The following ZNF730 variants were observed in gnomAD, a reference collection of about 807,000 sequenced individuals.
ZNF730 encodes the protein putative zinc finger protein 730.
Under a neutral mutation model 12.6 loss-of-function variants are expected in ZNF730, and 12 were observed. The observed-to-expected ratio is 0.95, with a 90% CI of 0.61 to 1.54. ZNF730 has a LOEUF of 1.54. ZNF730 is among the 40% of genes most tolerant of loss of function. ZNF730 has a pLI of 0.00. For missense variants in ZNF730, 643 were observed against 583.5 expected (o/e 1.10, Z -1.05); for synonymous variants, 194 against 195.8 (o/e 0.99, Z 0.08).
At chr19:23,108,813 G>A (rs754388432) in intron 1 of ZNF730, among the ~76,000 whole-genome samples, 4 of 151,766 alleles carry the variant, frequency 2.6e-5, no homozygotes, top group Non-Finnish European at 5.9e-5. Context: ...ACGGTGGTGC[G>A]ATCTTGGCTC....
chr19:23,111,460 T>C (rs1568308808), intron 1 of ZNF730, among the ~76,000 whole-genome samples: 1 of 152,032 alleles, frequency 6.6e-6, no homozygotes, highest in Admixed American at 6.6e-5. Context: ...TTAAACAAGA[T>C]ATTAGGCTGG....
At chr19:23,092,265 A>G (rs904984403) in intron 1 of ZNF730, among the ~76,000 whole-genome samples, 1 of 152,104 alleles carries the variant, frequency 6.6e-6, no homozygotes, top group Non-Finnish European at 1.5e-5. Flanking sequence ...AGTCTCAGGT[A>G]TGTCTTTATC....
At chr19:23,083,614 T>C (rs1041727405) in intron 1 of ZNF730, among the ~76,000 whole-genome samples, 1 of 151,986 alleles carries the variant, frequency 6.6e-6, no homozygotes, top group African/African-American at 2.4e-5. Flanking sequence ...TTTTTAAGTA[T>C]AGCCATTCTA....
At chr19:23,083,263 A>C (rs1416022138) in intron 1 of ZNF730, among the ~76,000 whole-genome samples, 1 of 151,990 alleles carries the variant, frequency 6.6e-6, no homozygotes, top group Non-Finnish European at 1.5e-5. Flanking sequence ...GCCTCTACTG[A>C]AAATACAAAA....
chr19:23,089,601 TTGC>T (rs1441104137), intron 1 of ZNF730, among the ~76,000 whole-genome samples: 3 of 152,192 alleles, frequency 2.0e-5, no homozygotes, highest in Non-Finnish European at 4.4e-5. Flanking sequence ...TCATTTTCTC[TTGC>T]TGCTGTGATG....
chr19:23,092,433 A>T (rs1307922885), intron 1 of ZNF730, among the ~76,000 whole-genome samples: 5 of 150,444 alleles, frequency 3.3e-5, no homozygotes, highest in African/African-American at 1.2e-4. Flanking sequence ...CATCTCTCTT[A>T]AAAAAATTAG....
At chr19:23,110,624 T>C (rs898118837) in intron 1 of ZNF730, among the ~76,000 whole-genome samples, 1 of 152,222 alleles carries the variant, frequency 6.6e-6, no homozygotes, top group African/African-American at 2.4e-5. Flanking sequence ...AATGGTCTAA[T>C]TCTAATGCAG....
intron 2 of ZNF730, 105 bp downstream of exon 2, chr19:23,134,311 T>C: frequency 1.9e-6 from 2 of 1,073,456 alleles, no homozygotes; most frequent in Non-Finnish European, 2.6e-6. Flanking sequence ...TTTTTCTTTT[T>C]CTTTTTTTTT....
upstream of ZNF730, among the ~76,000 whole-genome samples, chr19:23,112,122 G>C (rs1291590622): frequency 1.3e-5 from 2 of 152,074 alleles, no homozygotes; most frequent in Admixed American, 6.6e-5. Context: ...TTGAAAGCTG[G>C]GTTGATAATC....
At chr19:23,134,241 C>T (rs753996128) in intron 2 of ZNF730, 35 bp downstream of exon 2, 4 of 1,484,488 alleles carry the variant, frequency 2.7e-6, no homozygotes, top group Non-Finnish European at 2.7e-6. Flanking sequence ...TCCTAATATA[C>T]CCTATAGATT....
In ZNF730 at chr19:23,145,432, TATA is replaced by T; in HGVS notation, c.392_394del (p.Asn131del). On this transcript the variant is annotated inframe_deletion, in exon 4 of 4. Coordinates refer to ENST00000597761, the MANE Select transcript of ZNF730 (RefSeq NM_001277403.2). ...TGAGTTTAAGATGCACAAAAAAGGT[TATA>T]ATAGACATAACCAGTGTTTGACAAC... The T allele has an allele frequency of 6.3e-7, 1 of 1,581,410 alleles. No homozygotes were observed.
intron 1 of ZNF730, among the ~76,000 whole-genome samples, chr19:23,099,549 G>T (rs932346667): frequency 2.6e-5 from 4 of 152,186 alleles, no homozygotes. Context: ...TGTGGATTCT[G>T]TCCACAGTTG....
chr19:23,137,409 C>T (rs908607716), intron 3 of ZNF730, among the ~76,000 whole-genome samples: 25 of 152,086 alleles, frequency 1.6e-4, no homozygotes, highest in Non-Finnish European at 2.2e-4. Context: ...GGAACCATAA[C>T]GTATAGTTGT....
chr19:23,094,712 G>A (rs187150479), intron 1 of ZNF730, among the ~76,000 whole-genome samples: 154 of 152,156 alleles, frequency 1.0e-3, no homozygotes, highest in African/African-American at 3.5e-3. Flanking sequence ...GACCTCAGGT[G>A]ATCCACCCAC....
rs566289223 is a variant in ZNF730, at chr19:23,075,724, C to T, written c.-94+337C>T. Reference sequence around the variant, plus strand: ...GGGAGGAGCTGCGACCCGTGGGGTTCCCAAGCTTTCCTGTTATTTTTTTTT... The same window carrying T: ...GGGAGGAGCTGCGACCCGTGGGGTTTCCAAGCTTTCCTGTTATTTTTTTTT... On this transcript the variant is annotated intron_variant, in intron 1 of 2. Coordinates refer to the ZNF730 transcript ENST00000593635. Among the ~76,000 whole-genome samples the T allele has an allele frequency of 3.4e-4, 52 of 152,174 alleles. No homozygotes were observed. The South Asian group carries it at 8.7e-3, about 26-fold the overall frequency.
At chr19:23,130,535 A>G (rs2145646507) in intron 1 of ZNF730, among the ~76,000 whole-genome samples, 1 of 152,312 alleles carries the variant, frequency 6.6e-6, no homozygotes, top group East Asian at 1.9e-4. Context: ...CATGTTCTTT[A>G]TATTGTTGTG....
At chr19:23,126,562 A>G (rs1207558935) in intron 1 of ZNF730, 1 of 414,648 alleles carries the variant, frequency 2.4e-6, no homozygotes, top group African/African-American at 2.1e-5. Context: ...GGAAGGCAGA[A>G]TGTGGCTTAT....
chr19:23,117,135 T>G lies in ZNF730; in HGVS notation c.-39T>G, dbSNP rs1970539312. The G allele has an allele frequency of 6.2e-7, 1 of 1,613,628 alleles. No individual in the cohort carries two copies. ...CCTGCGACCTGCGGGTATTGGGAGATCCACAGCTAAGACGCCAGGGCCCCC... is the reference window on the plus strand; with the variant it reads ...CCTGCGACCTGCGGGTATTGGGAGAGCCACAGCTAAGACGCCAGGGCCCCC... On this transcript the variant is annotated 5_prime_UTR_variant, in exon 1 of 4. Coordinates refer to ENST00000597761, the MANE Select transcript of ZNF730 (RefSeq NM_001277403.2).
At chr19:23,097,228 C>A (rs996692175) in intron 1 of ZNF730, among the ~76,000 whole-genome samples, 3 of 152,098 alleles carry the variant, frequency 2.0e-5, no homozygotes, top group Non-Finnish European at 4.4e-5. Context: ...ACTGTTTGCC[C>A]TCAGAAGGCA....
Sources: gnomAD v4.1 joint callset for allele counts (sites outside exome capture counted in the v4.1 genomes callset) on GRCh38, gnomAD v4.1.1 for gene constraint, MANE v1.5 for transcripts, NCBI Gene and HGNC (gene_info 2026-07-23, HGNC 2026-07-21) for gene names.